The following PCDH11Y variants were observed in gnomAD, a reference collection of about 807,000 sequenced individuals.
PCDH11Y encodes protocadherin-11 Y-linked.
For synonymous variants in PCDH11Y, 9 were observed against 83.6 expected (o/e 0.11, Z 4.87); for missense variants, 12 against 224.8 (o/e 0.05, Z 6.05).
upstream of PCDH11Y, chrY:5,056,055 C>T: frequency 3.1e-5 from 1 of 32,596 alleles, no homozygotes; most frequent in African/African-American, 1.2e-4. Context: ...TCTACCAAAT[C>T]CGTGTATCTA....
At chrY:5,407,781 G>A (rs1602920854) in intron 2 of PCDH11Y, among the ~76,000 whole-genome samples, 1 of 31,164 alleles carries the variant, frequency 3.2e-5, no homozygotes. Flanking sequence ...CTGGCGTGGT[G>A]GCGGGCGCCT....
At chrY:5,211,325 C>T (rs2052938467) in intron 2 of PCDH11Y, among the ~76,000 whole-genome samples, 17 of 28,693 alleles carry the variant, frequency 5.9e-4, no homozygotes, top group Non-Finnish European at 1.6e-4. Context: ...ACCTGCCTAA[C>T]CCAGGTCCTT....
intron 3 of PCDH11Y, among the ~76,000 whole-genome samples, chrY:5,557,257 C>A: frequency 3.0e-5 from 1 of 33,031 alleles, no homozygotes; most frequent in African/African-American, 1.2e-4. Context: ...TTGCTTTGGG[C>A]AGTATGGCCA....
chrY:5,575,479 T>C (rs1314000413), intron 3 of PCDH11Y, among the ~76,000 whole-genome samples: 14 of 31,703 alleles, frequency 4.4e-4, no homozygotes, highest in Non-Finnish European at 9.1e-4. Flanking sequence ...ATATAGAGAC[T>C]TTATTTACCT....
intron 3 of PCDH11Y, among the ~76,000 whole-genome samples, chrY:5,549,078 A>T: frequency 6.5e-5 from 2 of 30,802 alleles, no homozygotes; most frequent in Non-Finnish European, 1.6e-4. Context: ...CAATACCAAC[A>T]TTGAATGTAA....
intron 2 of PCDH11Y, among the ~76,000 whole-genome samples, chrY:5,425,367 C>T (rs375027442): frequency 9.2e-5 from 3 of 32,740 alleles, no homozygotes; most frequent in South Asian, 6.7e-4. Context: ...AGATGAGAAA[C>T]GGATGGAGAA....
At chrY:5,000,342 C>A in exon 1 of PCDH11Y, 2 of 29,118 alleles carry the variant, frequency 6.9e-5, no homozygotes, top group African/African-American at 2.7e-4. Flanking sequence ...GCAGTAGCTG[C>A]ACTCAGCTGC....
intron 2 of PCDH11Y, among the ~76,000 whole-genome samples, chrY:5,309,977 A>G: frequency 8.7e-5 from 2 of 22,878 alleles, no homozygotes; most frequent in Admixed American, 4.7e-4. Flanking sequence ...GACTCTTCTT[A>G]TGTTAGAAAT....
At chrY:5,310,021 CAAAAA>C (rs1287449010) in intron 2 of PCDH11Y, among the ~76,000 whole-genome samples, 12 of 5,357 alleles carry the variant, frequency 2.2e-3, no homozygotes, top group Admixed American at 0.022. Flanking sequence ...AATTTGGTTG[CAAAAA>C]AAAAAAAAAA....
chrY:5,341,892 G>T (rs2053145726), intron 2 of PCDH11Y, among the ~76,000 whole-genome samples: 1 of 29,708 alleles, frequency 3.4e-5, no homozygotes. Flanking sequence ...GGGGTGGGGA[G>T]GTTCCAGTGA....
intron 2 of PCDH11Y, among the ~76,000 whole-genome samples, chrY:5,474,747 A>G (rs2053317046): frequency 3.1e-5 from 1 of 32,679 alleles, no homozygotes; most frequent in African/African-American, 1.2e-4. Flanking sequence ...AAATATGTAG[A>G]TCTCTTTGGA....
chrY:5,026,502 A>T, intron 1 of PCDH11Y, among the ~76,000 whole-genome samples: 3 of 26,771 alleles, frequency 1.1e-4, no homozygotes, highest in Admixed American at 1.1e-3. Flanking sequence ...ACTTTATTCT[A>T]AAAAGGACTT....
At position 5,309,672 on chromosome Y, in the gene PCDH11Y, T is replaced by C; in HGVS notation, c.3130-191385T>C. ...TGAATACAAAAGCAGAGTAATCACC[T>C]GATTGGCTAGAGCTAGATGACTGCC... On this transcript the variant is annotated intron_variant, in intron 2 of 4. Coordinates refer to the PCDH11Y transcript ENST00000400457. Among the ~76,000 whole-genome samples the C allele has an allele frequency of 9.1e-5, 3 of 32,907 alleles. No homozygotes were observed. The East Asian group carries it at 2.4e-3, about 27-fold the overall frequency. 88.3% of individuals were successfully genotyped at this position (32,907 alleles called of 37,273 possible).
At chrY:5,014,159 A>T in intron 1 of PCDH11Y, among the ~76,000 whole-genome samples, 1 of 30,521 alleles carries the variant, frequency 3.3e-5, no homozygotes, top group Non-Finnish European at 7.9e-5. Context: ...TATATTTTTA[A>T]CATATGAGGA....
intron 3 of PCDH11Y, among the ~76,000 whole-genome samples, chrY:5,529,365 T>C: frequency 3.1e-5 from 1 of 32,545 alleles, no homozygotes; most frequent in South Asian, 6.6e-4. Flanking sequence ...GTGGGAATGG[T>C]TAATGAGTAC....
intron 4 of PCDH11Y, among the ~76,000 whole-genome samples, chrY:5,680,135 T>C: frequency 3.4e-5 from 1 of 29,538 alleles, no homozygotes; most frequent in Non-Finnish European, 8.1e-5. Context: ...ATAGTGGCCA[T>C]GGAGGTGCTT....
intron 2 of PCDH11Y, among the ~76,000 whole-genome samples, chrY:5,345,997 C>G: frequency 3.0e-5 from 1 of 32,819 alleles, no homozygotes; most frequent in East Asian, 8.0e-4. Context: ...AAGAATTAGC[C>G]CAGTTACTCC....
chrY:5,132,229 T>C (rs1602873337), intron 2 of PCDH11Y, among the ~76,000 whole-genome samples: 84 of 29,370 alleles, frequency 2.9e-3, no homozygotes, highest in Non-Finnish European at 4.4e-3. Context: ...AAACAAAGTA[T>C]CTGAACTAAT....
intron 4 of PCDH11Y, among the ~76,000 whole-genome samples, chrY:5,681,155 G>T (rs2053558070): frequency 2.3e-3 from 77 of 33,160 alleles, no homozygotes; most frequent in African/African-American, 9.0e-3. Flanking sequence ...TTCTTGCATT[G>T]CTATAAAGAA....
Sources: allele counts gnomAD v4.1 joint callset (sites outside exome capture counted in the v4.1 genomes callset), GRCh38; gene constraint gnomAD v4.1.1; transcripts MANE v1.5; gene names NCBI Gene and HGNC (gene_info 2026-07-23, HGNC 2026-07-21).